Variants in NTNG1 observed in about 807,000 individuals in gnomAD.
The protein encoded by NTNG1 is netrin-G1.
A neutral mutation model predicts 54.0 loss-of-function variants in NTNG1; 16 were observed. The observed-to-expected ratio is 0.30, with a 90% CI of 0.20 to 0.45. NTNG1 has a LOEUF of 0.45. Among genes scored for constraint, NTNG1 ranks in the 20% least tolerant of loss-of-function variants. The probability of loss-of-function intolerance (pLI) is 1.00; values close to 1 mark genes in which losing one functional copy is unlikely to be tolerated. For synonymous variants in NTNG1, 255 were observed against 263.1 expected (o/e 0.97, Z 0.30); for missense variants, 530 against 678.7 (o/e 0.78, Z 2.43).
chr1:107,341,308 G>A (rs1036081003), intron 3 of NTNG1, among the ~76,000 whole-genome samples: 10 of 151,608 alleles, frequency 6.6e-5, no homozygotes, highest in Admixed American at 6.6e-4. Flanking sequence ...ATATCCTATT[G>A]TACTGCCATT....
intron 2 of NTNG1, among the ~76,000 whole-genome samples, chr1:107,211,781 C>A (rs1005292271): frequency 6.6e-6 from 1 of 152,146 alleles, no homozygotes; most frequent in Non-Finnish European, 1.5e-5. Flanking sequence ...AATTAATTTT[C>A]TTTGTTCTTT....
chr1:107,362,958 C>G (rs1296699476), intron 3 of NTNG1, among the ~76,000 whole-genome samples: 1 of 152,126 alleles, frequency 6.6e-6, no homozygotes, highest in Non-Finnish European at 1.5e-5. Context: ...CGCCCTTTCC[C>G]TCCCTTCTGT....
intron 2 of NTNG1, among the ~76,000 whole-genome samples, chr1:107,290,984 T>TATATTATATATATATATATATACACACAC (rs1160371267): frequency 7.1e-6 from 1 of 140,024 alleles, no homozygotes; most frequent in African/African-American, 2.8e-5. Context: ...TATATATATA[T>TATATTATATATATATATATATACACACAC]ACACACACAC....
intron 2 of NTNG1, among the ~76,000 whole-genome samples, chr1:107,187,827 C>A (rs756780047): frequency 6.6e-6 from 1 of 152,072 alleles, no homozygotes; most frequent in African/African-American, 2.4e-5. Flanking sequence ...TTGTTTTACC[C>A]TTTAAAGGGA....
chr1:107,265,895 CA>C (rs1007869003), intron 2 of NTNG1, among the ~76,000 whole-genome samples: 1 of 152,022 alleles, frequency 6.6e-6, no homozygotes, highest in Non-Finnish European at 1.5e-5. Context: ...ATTCAATATC[CA>C]GTAATAATCA....
At chr1:107,413,033 T>A (rs1673936919) in intron 5 of NTNG1, among the ~76,000 whole-genome samples, 1 of 152,174 alleles carries the variant, frequency 6.6e-6, no homozygotes, top group South Asian at 2.1e-4. Context: ...TGATAGTAGG[T>A]AGTTGCTGCG....
rs1261047238 is a variant in NTNG1 at position 107,242,101 on chromosome 1, C to T, written c.247-82181C>T. On this transcript the variant is annotated intron_variant, in intron 2 of 7. Transcript: ENST00000370068. Reference sequence around the variant, plus strand: ...CACCACCTGGACGTCATAGCAAAACCCTGTCTTTACAAAAATACAAGCATT... The same window carrying T: ...CACCACCTGGACGTCATAGCAAAACTCTGTCTTTACAAAAATACAAGCATT... 2.0e-5 allele frequency among the ~76,000 whole-genome samples: 3 copies of T among 151,994 alleles called. No homozygotes were observed. In the South Asian group the frequency reaches 6.2e-4, roughly 32 times the overall value.
At chr1:107,348,735 C>T (rs11185095) in intron 3 of NTNG1, among the ~76,000 whole-genome samples, 14,902 of 152,186 alleles carry the variant, frequency 0.098, 861 homozygotes, top group East Asian at 0.16. Flanking sequence ...CCTGCCTCTC[C>T]AAGAGACTTA....
chr1:107,229,072 G>A (rs1256514172), intron 2 of NTNG1, among the ~76,000 whole-genome samples: 4 of 152,066 alleles, frequency 2.6e-5, no homozygotes, highest in African/African-American at 4.8e-5. Flanking sequence ...TTTCAAAGAT[G>A]TGTAGCTGCA....
chr1:107,193,403 CT>C (rs1368100104), intron 2 of NTNG1, among the ~76,000 whole-genome samples: 6 of 152,018 alleles, frequency 3.9e-5, no homozygotes, highest in South Asian at 2.1e-4. Context: ...ACTCTAGATA[CT>C]TTGAACTGAA....
chr1:107,284,497 A>C (rs1665070579), intron 2 of NTNG1, among the ~76,000 whole-genome samples: 1 of 152,142 alleles, frequency 6.6e-6, no homozygotes, highest in Admixed American at 6.6e-5. Context: ...ATCTTCAGCA[A>C]GTCTATACTT....
At position 107,425,257 on chromosome 1, in the gene NTNG1, G is replaced by A. The variant is rs779990129; in HGVS notation, c.1088-5493G>A. On this transcript the variant is annotated intron_variant, in intron 5 of 7. Transcript: ENST00000370068. ...CATGGATATTACATGCATAATGGCC[G>A]GGGATTGGGCTTCTAGTATACTTAT... is the stretch of plus-strand genomic sequence containing the variant. Among the ~76,000 whole-genome samples the A allele has an allele frequency of 1.6e-4, 24 of 152,074 alleles. 1 individual carries two copies. Among genetic ancestry groups the A allele is most frequent in the African/African-American group, 5.3e-4 (22 of 41,506 alleles).
chr1:107,198,424 T>C (rs1239879211), intron 2 of NTNG1, among the ~76,000 whole-genome samples: 1 of 151,924 alleles, frequency 6.6e-6, no homozygotes, highest in Non-Finnish European at 1.5e-5. Context: ...TCCAGAACAG[T>C]AAAAACTGTA....
intron 2 of NTNG1, among the ~76,000 whole-genome samples, chr1:107,183,614 C>A (rs140124570): frequency 6.6e-6 from 1 of 152,022 alleles, no homozygotes; most frequent in Non-Finnish European, 1.5e-5. Flanking sequence ...GGACATCGAG[C>A]TTTTGTTTTT....
intron 5 of NTNG1, among the ~76,000 whole-genome samples, chr1:107,427,323 T>TAA (rs2101296418): frequency 6.6e-6 from 1 of 152,178 alleles, no homozygotes; most frequent in South Asian, 2.1e-4. Flanking sequence ...GATTGGACTA[T>TAA]GGATACTATA....
rs188519797 is a variant in NTNG1 at position 107,386,195 on chromosome 1, G to T, written c.888-8959G>T. On this transcript the variant is annotated intron_variant, in intron 3 of 7. Coordinates refer to ENST00000370068, the MANE Select transcript of NTNG1 (RefSeq NM_001113226.3). ...TTTTTTTTTCTTCCTTTGAAATGGG[G>T]TTTCACTCTTGTTGCCCAGACTGGA... Among the ~76,000 whole-genome samples the T allele has an allele frequency of 7.2e-3, 1,021 of 140,960 alleles. 10 individuals carry two copies. The highest frequency in any genetic ancestry group is 0.011 in the Non-Finnish European group (740 of 66,522). The allele number at this position is 140,960 out of a possible 152,430, so 92.5% of individuals were successfully genotyped here.
chr1:107,265,608 A>G (rs536365034), intron 2 of NTNG1, among the ~76,000 whole-genome samples: 91 of 152,120 alleles, frequency 6.0e-4, no homozygotes, highest in South Asian at 1.5e-3. Flanking sequence ...AATTATGTTG[A>G]CCCTTAGTTA....
At chr1:107,284,935 G>A (rs1477160074) in intron 2 of NTNG1, among the ~76,000 whole-genome samples, 1 of 152,112 alleles carries the variant, frequency 6.6e-6, no homozygotes, top group Admixed American at 6.6e-5. Context: ...ACAGGGAGGA[G>A]TACAGGATTC....
chr1:107,331,133 G>A (rs1204161185), intron 3 of NTNG1, among the ~76,000 whole-genome samples: 1 of 151,942 alleles, frequency 6.6e-6, no homozygotes, highest in Non-Finnish European at 1.5e-5. Context: ...TTTCTTTAAC[G>A]TCACACATAA....
Sources: allele counts gnomAD v4.1 joint callset (sites outside exome capture counted in the v4.1 genomes callset), GRCh38; gene constraint gnomAD v4.1.1; transcripts MANE v1.5; gene names NCBI Gene and HGNC (gene_info 2026-07-23, HGNC 2026-07-21).